LRP1B: variants seen among roughly 807,000 people sequenced by gnomAD.
LRP1B encodes low-density lipoprotein receptor-related protein 1B.
LRP1B carries 217 observed loss-of-function variants against 556.6 expected under a neutral mutation model. The observed-to-expected ratio is 0.39, with a 90% CI of 0.35 to 0.44. The LOEUF (loss-of-function observed/expected upper bound fraction) is 0.44, where lower values mean the gene tolerates loss of function less well. LRP1B is among the 20% of genes least tolerant of loss of function. The pLI is 1.00. For missense variants in LRP1B, 5,053 were observed against 5,620.8 expected, an observed-to-expected ratio of 0.90 and a Z score of 3.23; for synonymous variants, 2,047 against 1,865.8, an observed-to-expected ratio of 1.10 and a Z score of -2.50.
chr2:141,930,530 G>A (rs958861374), intron 1 of LRP1B, among the ~76,000 whole-genome samples: 2 of 151,896 alleles, frequency 1.3e-5, no homozygotes, highest in Admixed American at 1.3e-4. Flanking sequence ...GCAGTAGAAT[G>A]GTCAGTAGTG....
intron 1 of LRP1B, among the ~76,000 whole-genome samples, chr2:141,815,021 A>G (rs7584919): frequency 6.6e-6 from 1 of 152,060 alleles, no homozygotes; most frequent in Non-Finnish European, 1.5e-5. Flanking sequence ...CACTCATGAT[A>G]AAGTTCAAGT....
intron 20 of LRP1B, among the ~76,000 whole-genome samples, chr2:140,940,773 T>C (rs1343498305): frequency 6.6e-6 from 1 of 152,174 alleles, no homozygotes; most frequent in Non-Finnish European, 1.5e-5. Flanking sequence ...TATAATCCTT[T>C]GGGTATATAC....
At chr2:140,254,814 A>G (rs965357573) in intron 86 of LRP1B, among the ~76,000 whole-genome samples, 3 of 152,104 alleles carry the variant, frequency 2.0e-5, no homozygotes, top group African/African-American at 7.2e-5. Context: ...GGCCTCTGAA[A>G]GTGCTGGGAT....
At chr2:140,481,323 A>G (rs895501824) in intron 59 of LRP1B, among the ~76,000 whole-genome samples, 2 of 152,130 alleles carry the variant, frequency 1.3e-5, no homozygotes. Context: ...AAACTCTGAC[A>G]TGATGTAATA....
chr2:141,529,711 C>T (rs1684805920), intron 2 of LRP1B, among the ~76,000 whole-genome samples: 1 of 151,978 alleles, frequency 6.6e-6, no homozygotes, highest in Non-Finnish European at 1.5e-5. Context: ...TCATACCAAC[C>T]TTTATCATTA....
chr2:141,329,391 A>AAAG, intron 3 of LRP1B, among the ~76,000 whole-genome samples: 1 of 150,354 alleles, frequency 6.7e-6, no homozygotes, highest in Non-Finnish European at 1.5e-5. Flanking sequence ...TCCGTCAAAA[A>AAAG]AAAAAAAAAA....
At chr2:140,594,834 G>A (rs552443209) in intron 43 of LRP1B, among the ~76,000 whole-genome samples, 3 of 151,792 alleles carry the variant, frequency 2.0e-5, no homozygotes, top group Non-Finnish European at 2.9e-5. Context: ...TATTGCTTCA[G>A]CATTTTTTGA....
intron 59 of LRP1B, among the ~76,000 whole-genome samples, chr2:140,483,640 A>ATATTTT (rs1491228405): frequency 2.8e-5 from 2 of 70,746 alleles, no homozygotes; most frequent in African/African-American, 1.3e-4. Flanking sequence ...ATATATATAT[A>ATATTTT]TTTTTTTTTT....
chr2:141,140,428 C>G (rs949059433), intron 7 of LRP1B, among the ~76,000 whole-genome samples: 1 of 151,822 alleles, frequency 6.6e-6, no homozygotes, highest in Non-Finnish European at 1.5e-5. Context: ...ATTGTGTTAT[C>G]CCAAAATTTG....
chr2:140,483,272 T>TGA (rs1199538389), intron 59 of LRP1B, among the ~76,000 whole-genome samples: 1 of 152,054 alleles, frequency 6.6e-6, no homozygotes, highest in Non-Finnish European at 1.5e-5. Context: ...CTATTTTAAT[T>TGA]GACACTTTTA....
chr2:140,294,889 TA>T (rs1177452172), intron 84 of LRP1B, among the ~76,000 whole-genome samples: 1 of 152,086 alleles, frequency 6.6e-6, no homozygotes, highest in Non-Finnish European at 1.5e-5. Flanking sequence ...TTTATGCATT[TA>T]TTTATTGAGA....
chr2:140,702,124 A>C lies in LRP1B; in HGVS notation c.6302+17T>G. The C allele has an allele frequency of 6.2e-7, 1 of 1,610,488 alleles. No individual in the cohort carries two copies. The highest frequency in any genetic ancestry group is 8.5e-7 in the Non-Finnish European group (1 of 1,178,346). On this transcript the variant is annotated intron_variant, in intron 39 of 90. Transcript: ENST00000389484. Reference sequence around the variant, plus strand: ...ATAACATTTTGAGACTCAAATACTTATGAAAAAATAAATTACCTGTCAGAC... The same window carrying C: ...ATAACATTTTGAGACTCAAATACTTCTGAAAAAATAAATTACCTGTCAGAC...
At chr2:141,974,625 A>G (rs936062668) in intron 1 of LRP1B, among the ~76,000 whole-genome samples, 3 of 152,022 alleles carry the variant, frequency 2.0e-5, no homozygotes, top group African/African-American at 7.2e-5. Context: ...ATGTGGAAAA[A>G]CTACAGGAAA....
intron 35 of LRP1B, among the ~76,000 whole-genome samples, chr2:140,764,894 T>A (rs12105347): frequency 0.069 from 10,452 of 152,268 alleles, 930 homozygotes; most frequent in African/African-American, 0.19. Context: ...GTTTTTATTG[T>A]CTTAGCCAGA....
intron 2 of LRP1B, among the ~76,000 whole-genome samples, chr2:141,692,549 T>C (rs931491236): frequency 2.0e-5 from 3 of 152,046 alleles, no homozygotes; most frequent in Non-Finnish European, 4.4e-5. Context: ...GCTTACCTTT[T>C]TAGCCTAAGG....
intron 32 of LRP1B, among the ~76,000 whole-genome samples, chr2:140,789,653 C>T (rs1387870271): frequency 1.4e-5 from 1 of 73,626 alleles, no homozygotes. Context: ...TTTTTTGAGA[C>T]GGAGTCTCGC....
At chr2:141,095,293 C>A (rs1700269608) in intron 7 of LRP1B, among the ~76,000 whole-genome samples, 1 of 100,658 alleles carries the variant, frequency 9.9e-6, no homozygotes, top group African/African-American at 3.3e-5. Flanking sequence ...GGAGGAAAAG[C>A]TTTGAGCAGA....
chr2:141,705,796 C>T (rs993575569), intron 2 of LRP1B, among the ~76,000 whole-genome samples: 1 of 151,902 alleles, frequency 6.6e-6, no homozygotes, highest in Non-Finnish European at 1.5e-5. Flanking sequence ...GTCTATTTAA[C>T]TCCAAACAGA....
chr2:141,981,962 A>G lies in LRP1B; in HGVS notation c.82+148686T>C, dbSNP rs556727458. On this transcript the variant is annotated intron_variant, in intron 1 of 90. Coordinates refer to ENST00000389484, the MANE Select transcript of LRP1B (RefSeq NM_018557.3). ...AAAATGGCAGAACCTCCATTTTCTT[A>G]GATTCCTGAAAGACAGAATGGAGCA... is the stretch of plus-strand genomic sequence containing the variant. Among the ~76,000 whole-genome samples the G allele has an allele frequency of 5.9e-5, 9 of 152,284 alleles. No homozygotes were observed. In the South Asian group the frequency reaches 1.9e-3, roughly 32 times the overall value.
Sources: gnomAD v4.1 joint callset for allele counts (sites outside exome capture counted in the v4.1 genomes callset) on GRCh38, gnomAD v4.1.1 for gene constraint, MANE v1.5 for transcripts, NCBI Gene and HGNC (gene_info 2026-07-23, HGNC 2026-07-21) for gene names.